Variants in LAMA4 observed in about 807,000 individuals in gnomAD.
LAMA4 encodes laminin subunit alpha 4, also known as laminin subunit alpha-4.
Under a neutral mutation model 207.1 loss-of-function variants are expected in LAMA4, and 127 were observed. The ratio of observed to expected loss-of-function variants is 0.61; its 90% CI spans 0.53 to 0.71. The LOEUF (loss-of-function observed/expected upper bound fraction) is 0.71, where lower values mean the gene tolerates loss of function less well. LAMA4 is among the 30% of genes least tolerant of loss of function. LAMA4 has a pLI of 0.00. For synonymous variants in LAMA4, 761 were observed against 816.0 expected (o/e 0.93, Z 1.15); for missense variants, 2,093 against 2,246.5 (o/e 0.93, Z 1.38).
At chr6:112,141,597 G>A in intron 20 of LAMA4, 94 bp from the exon 21 acceptor site, 1 of 995,006 alleles carries the variant, frequency 1.0e-6, no homozygotes, top group South Asian at 1.4e-5. Context: ...AAATATTTGG[G>A]TATATACAAG....
intron 31 of LAMA4, among the ~76,000 whole-genome samples, chr6:112,127,562 G>A (rs1446406561): frequency 6.6e-6 from 1 of 152,126 alleles, no homozygotes; most frequent in Non-Finnish European, 1.5e-5. Flanking sequence ...TCAGGGTAAG[G>A]CATGGATCAC....
At chr6:112,211,496 A>G (rs1784352834) in intron 3 of LAMA4, among the ~76,000 whole-genome samples, 1 of 152,250 alleles carries the variant, frequency 6.6e-6, no homozygotes, top group African/African-American at 2.4e-5. Context: ...TATTAAAATG[A>G]AGAAGACCTG....
At chr6:112,172,530 A>G in intron 12 of LAMA4, 81 bp downstream of exon 12, 1 of 1,376,982 alleles carries the variant, frequency 7.3e-7, no homozygotes, top group Non-Finnish European at 1.0e-6. Context: ...TATTTTAAAA[A>G]AATTTATATC....
chr6:112,201,580 C>T, intron 5 of LAMA4, 28 bp downstream of exon 5: 1 of 1,588,318 alleles, frequency 6.3e-7, no homozygotes, highest in Non-Finnish European at 8.6e-7. Context: ...TTGACCCACA[C>T]AGAAAATAGA....
chr6:112,201,417 T>C (rs558219611), intron 5 of LAMA4, among the ~76,000 whole-genome samples, 191 bp downstream of exon 5: 3 of 152,216 alleles, frequency 2.0e-5, no homozygotes, highest in Non-Finnish European at 4.4e-5. Flanking sequence ...AGGAAGCATA[T>C]TGTTATTTGC....
intron 6 of LAMA4, among the ~76,000 whole-genome samples, chr6:112,190,694 T>C (rs1554348288): frequency 6.6e-6 from 1 of 152,248 alleles, no homozygotes; most frequent in African/African-American, 2.4e-5. Flanking sequence ...AAGTTTTCTA[T>C]GCTATCTTTG....
chr6:112,138,209 G>A (rs1488217338), intron 24 of LAMA4, among the ~76,000 whole-genome samples: 11 of 152,064 alleles, frequency 7.2e-5, no homozygotes, highest in African/African-American at 2.7e-4. Flanking sequence ...TAGCTTACAA[G>A]AACTAATATT....
Position 112,172,687 on chromosome 6 carries a change from A to T in LAMA4, c.1475T>A (p.Leu492His), listed in dbSNP as rs3752579. The part of the protein sequence containing the change: ...NAKLSDLQEA[L>H]DQALNYVRDA... ...CCTGACATAGTTAAGGGCCTGGTCAAGTGCTTCCTGGAGATCTGACAACTT... is the reference window on the plus strand; with the variant it reads ...CCTGACATAGTTAAGGGCCTGGTCATGTGCTTCCTGGAGATCTGACAACTT... Residue 492 changes from leucine to histidine, a missense_variant, in exon 12 of 39, where the codon CTT becomes CAT. Physicochemically the swap from Leu to His is moderately conservative, Grantham distance 99 (BLOSUM62 -3). Around this residue, in one of 3 missense-constraint regions of LAMA4, gnomAD observed 1,704 missense variants for 1,788.4 expected, o/e 0.95. Transcript: ENST00000230538. 2,003 of 1,613,914 alleles carry T rather than the reference A, an allele frequency of 1.2e-3. 33 individuals carry two copies. The East Asian group carries it at 0.027, about 21-fold the overall frequency.
In LAMA4 at chr6:112,216,450, A is replaced by G. The variant is rs782510666; in HGVS notation, c.215T>C (p.Phe72Ser). ...CACACATTCTCCCGACAGGGTGTGA[A>G]AGAATCCAGCATTGCATTTCTGCAA... ...PAAEKCNAGF[F>S]HTLSGECVPC... The change falls in exon 3 of 39, where the codon TTT (phenylalanine) becomes TCT (serine). Residue 72 changes from phenylalanine to serine, a missense_variant. Phe to Ser is a radical substitution (Grantham distance 155). Around this residue, in one of 3 missense-constraint regions of LAMA4, gnomAD observed 1,704 missense variants for 1,788.4 expected, o/e 0.95. Transcript: ENST00000230538. 4 of 1,613,624 alleles carry G rather than the reference A, an allele frequency of 2.5e-6. No individual in the cohort carries two copies. The Admixed American group carries it at 6.7e-5, about 27-fold the overall frequency.
intron 2 of LAMA4, among the ~76,000 whole-genome samples, chr6:112,233,384 T>A (rs1255681698): frequency 2.0e-5 from 3 of 152,208 alleles, no homozygotes. Flanking sequence ...ATAAACAATT[T>A]TTTTTGAGCA....
chr6:112,251,610 G>A (rs1787458160), intron 2 of LAMA4: 1 of 152,158 alleles, frequency 6.6e-6, no homozygotes, highest in Non-Finnish European at 1.5e-5. Flanking sequence ...AGTCTCCTGA[G>A]CCAACCCAGT....
In LAMA4 at chr6:112,134,612, GGGA is replaced by G; in HGVS notation, c.3415-6_3415-4del. 6.2e-7 allele frequency: 1 copy of G among 1,601,278 alleles called. No individual in the cohort carries two copies. The highest frequency in any genetic ancestry group is 1.1e-5 in the South Asian group (1 of 90,832). ...TCATTGTGGTAAATGATTGAGATCT[GGGA>G]GAGATAATATATAGTAAGCCTTGAT... is the stretch of plus-strand genomic sequence containing the variant. On this transcript the variant is annotated splice_polypyrimidine_tract_variant and splice_region_variant and intron_variant, in intron 25 of 38. Transcript: ENST00000230538.
chr6:112,128,425 C>T (rs529279267), intron 31 of LAMA4, among the ~76,000 whole-genome samples: 3 of 152,160 alleles, frequency 2.0e-5, no homozygotes, highest in East Asian at 1.9e-4. Context: ...GAGGCTGGGA[C>T]GGGCAGCGGC....
At chr6:112,152,806 T>G (rs9487830) in intron 16 of LAMA4, among the ~76,000 whole-genome samples, 3,291 of 152,140 alleles carry the variant, frequency 0.022, 137 homozygotes, top group African/African-American at 0.076. Context: ...GTGTGAAGAA[T>G]TTGCATTGCA....
At chr6:112,146,105 C>T (rs1292752011) in intron 18 of LAMA4, among the ~76,000 whole-genome samples, 5 of 152,108 alleles carry the variant, frequency 3.3e-5, no homozygotes, top group African/African-American at 1.2e-4. Context: ...GCCTGGCCAA[C>T]ATGGCAAAAC....
Position 112,191,744 on chromosome 6 carries a change from C to T in LAMA4, c.610G>A (p.Glu204Lys). The T allele has an allele frequency of 6.2e-7, 1 of 1,614,096 alleles. No homozygotes were observed. Among genetic ancestry groups the T allele is most frequent in the Non-Finnish European group, 8.5e-7 (1 of 1,179,950 alleles). ...DPNLIFEDCD[E>K]VTGQCRNCLR... Reference sequence around the variant, plus strand: ...CAATTCCTACACTGGCCAGTGACTTCATCACAATCTTCAAAGATCAGGTTG... The same window carrying T: ...CAATTCCTACACTGGCCAGTGACTTTATCACAATCTTCAAAGATCAGGTTG... The change falls in exon 6 of 39, where the codon GAA becomes AAA. Residue 204 changes from glutamate (E) to lysine (K), a missense_variant. Transcript: ENST00000230538.
At chr6:112,129,164 A>T in intron 30 of LAMA4, 89 bp from the exon 31 acceptor site, 1 of 1,171,574 alleles carries the variant, frequency 8.5e-7, no homozygotes, top group Non-Finnish European at 1.2e-6. Context: ...AGCTTTGGCA[A>T]TTAAAATGTG....
intron 9 of LAMA4, chr6:112,179,464 T>G (rs991673048): frequency 6.6e-6 from 1 of 152,306 alleles, no homozygotes; most frequent in Non-Finnish European, 1.5e-5. Context: ...GAATGCCCAC[T>G]TGCCTTGTCT....
chr6:112,151,514 G>A (rs1456769623), intron 16 of LAMA4, among the ~76,000 whole-genome samples: 2 of 151,956 alleles, frequency 1.3e-5, no homozygotes. Context: ...AATGAATATG[G>A]TATTTATTTA....
Sources: gnomAD v4.1 joint callset for allele counts (sites outside exome capture counted in the v4.1 genomes callset) on GRCh38, gnomAD v4.1.1 for gene constraint, gnomAD v4.1.1 regional missense constraint, MANE v1.5 for transcripts, NCBI Gene and HGNC (gene_info 2026-07-23, HGNC 2026-07-21) for gene names.